The following IQGAP2 variants were observed in gnomAD, a reference collection of about 807,000 sequenced individuals.
The protein encoded by IQGAP2 is IQ motif containing GTPase activating protein 2, also known as ras GTPase-activating-like protein IQGAP2.
Under a neutral mutation model 201.3 loss-of-function variants are expected in IQGAP2, and 173 were observed. The ratio of observed to expected loss-of-function variants is 0.86; its 90% CI spans 0.76 to 0.98. The LOEUF (loss-of-function observed/expected upper bound fraction) is 0.98. Among genes scored for constraint, IQGAP2 ranks in the 50% least tolerant of loss-of-function variants. The pLI is 0.00. For synonymous variants in IQGAP2, 675 were observed against 673.9 expected, an observed-to-expected ratio of 1.00 and a Z score of -0.03; for missense variants, 1,687 against 1,864.8, an observed-to-expected ratio of 0.90 and a Z score of 1.76.
chr5:76,501,758 T>C (rs887831959), intron 2 of IQGAP2, among the ~76,000 whole-genome samples: 1 of 151,282 alleles, frequency 6.6e-6, no homozygotes, highest in African/African-American at 2.4e-5. Flanking sequence ...TTCTCCTGCC[T>C]CAGCCTCCCA....
chr5:76,466,412 G>A (rs576214945), intron 2 of IQGAP2, among the ~76,000 whole-genome samples: 13 of 152,224 alleles, frequency 8.5e-5, no homozygotes, highest in South Asian at 8.3e-4. Flanking sequence ...AAAAAGAAAC[G>A]CAAAGTTGGA....
chr5:76,600,860 G>C lies in IQGAP2; in HGVS notation c.1120G>C (p.Ala374Pro). The change falls in exon 11 of 36, where the codon GCT (alanine) becomes CCT (proline). Residue 374 changes from alanine to proline, a missense_variant. Transcript: ENST00000274364. ...ELLIAVEMLS[A>P]VALLNQALES... The stretch of plus-strand genomic sequence containing the variant: ...TTTGATTGCTGTGGAAATGTTGTCT[G>C]CTGTTGCTTTACTAAACCAGGCCTT... 6.2e-7 allele frequency: 1 copy of C among 1,614,124 alleles called. No homozygotes were observed. Among genetic ancestry groups the C allele is most frequent in the African/African-American group, 1.3e-5 (1 of 75,056 alleles).
intron 12 of IQGAP2, among the ~76,000 whole-genome samples, chr5:76,610,076 C>CTCTCTCTATATA (rs1326468006): frequency 1.1e-4 from 2 of 18,708 alleles, no homozygotes; most frequent in Non-Finnish European, 1.9e-4. Context: ...CTCTCTCTCT[C>CTCTCTCTATATA]TATATATATA....
intron 13 of IQGAP2, among the ~76,000 whole-genome samples, chr5:76,626,254 T>C (rs1335440650): frequency 8.8e-6 from 1 of 114,024 alleles, no homozygotes; most frequent in African/African-American, 3.5e-5. Flanking sequence ...ATTCTTTTTC[T>C]TTTTTTTCTT....
chr5:76,496,727 TTCTTTC>T (rs1756939585), intron 2 of IQGAP2, among the ~76,000 whole-genome samples: 2 of 29,536 alleles, frequency 6.8e-5, no homozygotes, highest in Non-Finnish European at 1.2e-4. Context: ...TTTCTTTCTT[TTCTTTC>T]TTTCTTTCTT....
intron 1 of IQGAP2, chr5:76,404,304 T>C: frequency 5.0e-6 from 1 of 200,934 alleles, no homozygotes; most frequent in Non-Finnish European, 8.9e-6. Flanking sequence ...AGCCAGGGGC[T>C]GCCCTCGGAA....
intron 2 of IQGAP2, among the ~76,000 whole-genome samples, chr5:76,493,803 C>T (rs1018323979): frequency 4.6e-5 from 7 of 152,228 alleles, no homozygotes; most frequent in African/African-American, 9.6e-5. Flanking sequence ...CTTACTAGTA[C>T]GGCCTAGTTA....
intron 1 of IQGAP2, among the ~76,000 whole-genome samples, chr5:76,432,358 C>G (rs1470710584): frequency 1.3e-5 from 2 of 152,162 alleles, no homozygotes; most frequent in Non-Finnish European, 2.9e-5. Flanking sequence ...CTCCTGACCT[C>G]AGGTGATCCA....
chr5:76,668,494 C>T (rs1438847960), intron 22 of IQGAP2, among the ~76,000 whole-genome samples, 187 bp from the exon 23 acceptor site: 2 of 151,734 alleles, frequency 1.3e-5, no homozygotes, highest in African/African-American at 2.4e-5. Flanking sequence ...GAAAGTTACA[C>T]TATATACTAA....
intron 1 of IQGAP2, among the ~76,000 whole-genome samples, chr5:76,458,651 C>G (rs555190367): frequency 6.6e-6 from 1 of 152,212 alleles, no homozygotes; most frequent in Admixed American, 6.5e-5. Context: ...CAAGGAAGTC[C>G]CATGAGGGTA....
chr5:76,579,923 T>C (rs984148588), intron 5 of IQGAP2, among the ~76,000 whole-genome samples: 1 of 152,192 alleles, frequency 6.6e-6, no homozygotes, highest in Non-Finnish European at 1.5e-5. Context: ...TTTAGTTTAC[T>C]CAAAGTTCTT....
At chr5:76,504,537 A>G (rs1182363610) in intron 2 of IQGAP2, among the ~76,000 whole-genome samples, 2 of 152,094 alleles carry the variant, frequency 1.3e-5, no homozygotes, top group Non-Finnish European at 2.9e-5. Flanking sequence ...CCAACTCCCA[A>G]ATGTGTAGCT....
At chr5:76,582,465 C>T (rs1395075028) in intron 5 of IQGAP2, among the ~76,000 whole-genome samples, 1 of 152,130 alleles carries the variant, frequency 6.6e-6, no homozygotes, top group African/African-American at 2.4e-5. Flanking sequence ...GTTTTGGGAC[C>T]AGGATTCAGC....
chr5:76,569,670 T>C (rs1744983829), intron 3 of IQGAP2, among the ~76,000 whole-genome samples: 1 of 152,250 alleles, frequency 6.6e-6, no homozygotes, highest in Non-Finnish European at 1.5e-5. Flanking sequence ...AGAGCCAAAC[T>C]TTCTGAATGT....
chr5:76,651,681 T>C (rs1752526044), intron 17 of IQGAP2, among the ~76,000 whole-genome samples: 2 of 152,148 alleles, frequency 1.3e-5, no homozygotes, highest in South Asian at 4.2e-4. Context: ...ACGGAACTCA[T>C]TGTATAATCT....
chr5:76,540,080 C>T (rs1742660968), intron 2 of IQGAP2, among the ~76,000 whole-genome samples: 1 of 152,012 alleles, frequency 6.6e-6, no homozygotes. Context: ...TCAAAGCGCC[C>T]CAAGTTTTCT....
chr5:76,580,886 G>A (rs1236325432), intron 5 of IQGAP2, among the ~76,000 whole-genome samples: 1 of 152,198 alleles, frequency 6.6e-6, no homozygotes, highest in Non-Finnish European at 1.5e-5. Context: ...AATTTTTCAA[G>A]TTTAACCTTA....
At chr5:76,595,274 G>A (rs1288974414) in intron 9 of IQGAP2, among the ~76,000 whole-genome samples, 9 of 87,620 alleles carry the variant, frequency 1.0e-4, no homozygotes, top group Non-Finnish European at 1.7e-4. Context: ...TTTTTTTTCC[G>A]GACAGGGTCT....
chr5:76,639,685 G>A (rs920326955), intron 16 of IQGAP2, among the ~76,000 whole-genome samples: 1 of 152,174 alleles, frequency 6.6e-6, no homozygotes, highest in African/African-American at 2.4e-5. Flanking sequence ...TGGCAGTATT[G>A]CAGACAGAAT....
Sources: allele counts gnomAD v4.1 joint callset (sites outside exome capture counted in the v4.1 genomes callset), GRCh38; gene constraint gnomAD v4.1.1; transcripts MANE v1.5; gene names NCBI Gene and HGNC (gene_info 2026-07-23, HGNC 2026-07-21).